The following TRHDE variants were observed in gnomAD, a reference collection of about 807,000 sequenced individuals.
The protein encoded by TRHDE is thyrotropin releasing hormone degrading enzyme, also known as thyrotropin-releasing hormone-degrading ectoenzyme.
Under a neutral mutation model 125.7 loss-of-function variants are expected in TRHDE, and 72 were observed. The observed-to-expected ratio is 0.57, with a 90% confidence interval of 0.47 to 0.70. The LOEUF is 0.70. TRHDE is among the 30% of genes least tolerant of loss of function. The pLI is 0.00. For missense variants in TRHDE, 1,110 were observed against 1,327.1 expected (o/e 0.84, Z 2.54); for synonymous variants, 509 against 509.1 (o/e 1.00, Z 0.00).
At chr12:72,472,131 GT>G (rs1011726802) in intron 4 of TRHDE, among the ~76,000 whole-genome samples, 1 of 152,084 alleles carries the variant, frequency 6.6e-6, no homozygotes, top group Non-Finnish European at 1.5e-5. Flanking sequence ...TCCTGTAGCA[GT>G]TTGTTAGGAT....
chr12:72,202,758 A>T (rs1877585225), intron 2 of TRHDE, among the ~76,000 whole-genome samples: 1 of 152,142 alleles, frequency 6.6e-6, no homozygotes, highest in South Asian at 2.1e-4. Context: ...GGAATATACC[A>T]CTTCCCTTCT....
chr12:72,172,078 C>T (rs1042671673), intron 2 of TRHDE, among the ~76,000 whole-genome samples: 1 of 152,162 alleles, frequency 6.6e-6, no homozygotes, highest in Non-Finnish European at 1.5e-5. Flanking sequence ...CATATCTCTA[C>T]CACTGGACAG....
chr12:72,265,238 A>T (rs1379759965), intron 2 of TRHDE, among the ~76,000 whole-genome samples: 6 of 151,960 alleles, frequency 3.9e-5, no homozygotes, highest in Non-Finnish European at 8.8e-5. Context: ...GATCAAGAAA[A>T]AGCCATTTTA....
intron 3 of TRHDE, among the ~76,000 whole-genome samples, chr12:72,387,617 T>C (rs1041610244): frequency 2.6e-5 from 4 of 152,180 alleles, no homozygotes; most frequent in African/African-American, 9.6e-5. Context: ...GATTCTGATA[T>C]GGTTTGACTG....
intron 2 of TRHDE, among the ~76,000 whole-genome samples, chr12:72,212,475 G>C (rs1446206546): frequency 6.6e-6 from 1 of 151,986 alleles, no homozygotes; most frequent in East Asian, 1.9e-4. Flanking sequence ...ATCTGATAAG[G>C]AACTTGTATC....
intron 3 of TRHDE, among the ~76,000 whole-genome samples, chr12:72,391,826 T>C (rs1190097503): frequency 5.3e-5 from 8 of 152,158 alleles, no homozygotes; most frequent in Non-Finnish European, 1.0e-4. Context: ...TAGCAGAAAT[T>C]TGGGCATAAT....
chr12:72,395,289 T>C (rs182566135), intron 3 of TRHDE, among the ~76,000 whole-genome samples: 26 of 152,288 alleles, frequency 1.7e-4, no homozygotes, highest in South Asian at 1.2e-3. Flanking sequence ...AGTATTCACA[T>C]TGATGACCCC....
intron 2 of TRHDE, among the ~76,000 whole-genome samples, chr12:72,306,197 G>T (rs1053697978): frequency 6.6e-6 from 1 of 152,084 alleles, no homozygotes; most frequent in African/African-American, 2.4e-5. Flanking sequence ...GAAATAAATA[G>T]GACTTAGATA....
At chr12:72,336,951 ATTGACATCATCTGTGAGCATG>A (rs1460373756) in intron 2 of TRHDE, among the ~76,000 whole-genome samples, 1 of 152,196 alleles carries the variant, frequency 6.6e-6, no homozygotes, top group East Asian at 1.9e-4. Context: ...GACTGCCAGC[ATTGACATCATCTGTGAGCATG>A]TTAGAAATGC....
chr12:72,637,850 T>C (rs1270416410), intron 15 of TRHDE, among the ~76,000 whole-genome samples: 1 of 151,638 alleles, frequency 6.6e-6, no homozygotes. Flanking sequence ...CTAGTTTGAT[T>C]GCACTGTGGT....
chr12:72,585,286 G>T (rs981262713), intron 12 of TRHDE, among the ~76,000 whole-genome samples: 1 of 152,046 alleles, frequency 6.6e-6, no homozygotes, highest in Non-Finnish European at 1.5e-5. Context: ...ATCTAAGTCT[G>T]TATAATTTGA....
intron 2 of TRHDE, among the ~76,000 whole-genome samples, chr12:72,229,655 T>G (rs1878208361): frequency 6.6e-6 from 1 of 152,254 alleles, no homozygotes; most frequent in Non-Finnish European, 1.5e-5. Context: ...TGGACTTTAC[T>G]AAAATCATTT....
chr12:72,288,222 A>G (rs188472860), intron 2 of TRHDE, among the ~76,000 whole-genome samples: 2 of 152,294 alleles, frequency 1.3e-5, no homozygotes, highest in Non-Finnish European at 1.5e-5. Context: ...ATAGAAATCT[A>G]TATTTTTAAT....
chr12:72,257,885 TTTAGA>T (rs1172616220), intron 2 of TRHDE: 4 of 152,282 alleles, frequency 2.6e-5, no homozygotes, highest in East Asian at 3.9e-4. Flanking sequence ...GTTTGAATAC[TTTAGA>T]TTATAGGAGC....
chr12:72,095,982 G>A (rs1038407234), intron 1 of TRHDE, among the ~76,000 whole-genome samples: 1 of 152,170 alleles, frequency 6.6e-6, no homozygotes, highest in Non-Finnish European at 1.5e-5. Flanking sequence ...GAGCAAGAAG[G>A]CATTCTGCCA....
At chr12:72,113,445 C>T (rs913419890) in intron 2 of TRHDE, among the ~76,000 whole-genome samples, 17 of 151,620 alleles carry the variant, frequency 1.1e-4, no homozygotes, top group South Asian at 4.2e-4. Context: ...GCCAATATGG[C>T]GAAACCCTGT....
intron 2 of TRHDE, among the ~76,000 whole-genome samples, chr12:72,111,002 G>T (rs559264150): frequency 6.6e-6 from 1 of 152,026 alleles, no homozygotes; most frequent in African/African-American, 2.4e-5. Flanking sequence ...GAAATGTGTC[G>T]TATAGACTCT....
At chr12:72,474,882 T>C (rs1344533547) in intron 5 of TRHDE, among the ~76,000 whole-genome samples, 1 of 152,158 alleles carries the variant, frequency 6.6e-6, no homozygotes, top group Non-Finnish European at 1.5e-5. Context: ...GAAATTACTT[T>C]AACAAAAATG....
intron 6 of TRHDE, among the ~76,000 whole-genome samples, chr12:72,502,271 G>T (rs1474312565): frequency 6.6e-6 from 1 of 151,822 alleles, no homozygotes; most frequent in African/African-American, 2.4e-5. Flanking sequence ...CCTTTCTTCT[G>T]TTCCATTTTA....
Sources: allele counts gnomAD v4.1 joint callset (sites outside exome capture counted in the v4.1 genomes callset), GRCh38; gene constraint gnomAD v4.1.1; transcripts MANE v1.5; gene names NCBI Gene and HGNC (gene_info 2026-07-23, HGNC 2026-07-21).